TBCD: variants seen among roughly 807,000 people sequenced by gnomAD.
TBCD encodes tubulin-specific chaperone D.
TBCD carries 105 observed loss-of-function variants against 169.3 expected under a neutral mutation model. The ratio of observed to expected loss-of-function variants is 0.62; its 90% CI spans 0.53 to 0.73. The LOEUF is 0.73. TBCD is among the 30% of genes least tolerant of loss of function. TBCD has a pLI of 0.00. For missense variants in TBCD, 1,444 were observed against 1,600.1 expected, an observed-to-expected ratio of 0.90 and a Z score of 1.66; for synonymous variants, 700 against 643.9, an observed-to-expected ratio of 1.09 and a Z score of -1.32.
intron 11 of TBCD, 141 bp from the exon 12 acceptor site, chr17:82,809,567 G>T: frequency 1.2e-6 from 1 of 817,476 alleles, no homozygotes. Context: ...TCCAAGCAGG[G>T]TGCGGGCTTG....
intron 13 of TBCD, among the ~76,000 whole-genome samples, chr17:82,818,227 G>A (rs558465492): frequency 4.4e-4 from 67 of 152,216 alleles, no homozygotes; most frequent in Non-Finnish European, 7.6e-4. Flanking sequence ...CCTTCTGCCT[G>A]GCGGTGCCCT....
chr17:82,886,657 TCCCCTCCCCTCCCCTCC>T (rs2058727308), intron 15 of TBCD, among the ~76,000 whole-genome samples: 1 of 2,304 alleles, frequency 4.3e-4, no homozygotes, highest in Non-Finnish European at 1.3e-3. Context: ...TCCCCTCCCC[TCCCCTCCCCTCCCCTCC>T]CCTCCCCTCC....
intron 26 of TBCD, among the ~76,000 whole-genome samples, chr17:82,924,411 C>T (rs2061597960): frequency 6.6e-6 from 1 of 152,262 alleles, no homozygotes; most frequent in African/African-American, 2.4e-5. Flanking sequence ...ACTGTACATC[C>T]TGCACCCCCG....
Position 82,930,525 on chromosome 17 carries a change from C to T in TBCD, c.2995C>T (p.Arg999Trp), listed in dbSNP as rs781008283. 1.1e-5 allele frequency: 17 copies of T among 1,612,480 alleles called. No homozygotes were observed. The highest frequency in any genetic ancestry group is 2.7e-5 in the African/African-American group (2 of 74,916). ...SLGGLTESTI[R>W]HSTQSLFEYM... ...CTGAGGTGTCTCCGTGTTGCAGATC[C>T]GGCACTCCACCCAGAGCCTCTTTGA... The change falls in exon 33 of 39, where the codon CGG becomes TGG. Residue 999 changes from arginine to tryptophan, a missense_variant. Transcript: ENST00000355528. The surrounding 1 kb of genome is among the most constrained non-coding windows in gnomAD (Gnocchi z 5.2).
intron 13 of TBCD, among the ~76,000 whole-genome samples, chr17:82,828,727 TTGAA>T (rs61443850): frequency 0.038 from 5,647 of 147,240 alleles, 148 homozygotes; most frequent in Middle Eastern, 0.07. Context: ...ACTCACATGA[TTGAA>T]TGTGCACACA....
chr17:82,752,701 C>G lies in TBCD; in HGVS notation c.184+324C>G, dbSNP rs534328173. 2.0e-4 allele frequency among the ~76,000 whole-genome samples: 30 copies of G among 152,286 alleles called. 1 individual carries two copies. The highest frequency in any genetic ancestry group is 2.9e-4 in the Non-Finnish European group (20 of 68,004). On this transcript the variant is annotated intron_variant, in intron 1 of 38. Coordinates refer to ENST00000355528, the MANE Select transcript of TBCD (RefSeq NM_005993.5). ...AGCCCTCCGTCCCCCGTCTCCGTCACTGGAGGAGGTCCCTGGGCTGGGGAG... is the reference window on the plus strand; with the variant it reads ...AGCCCTCCGTCCCCCGTCTCCGTCAGTGGAGGAGGTCCCTGGGCTGGGGAG...
chr17:82,829,995 TTTTGTTTG>T lies in TBCD; in HGVS notation c.1318+15077_1318+15084del, dbSNP rs142352768. On this transcript the variant is annotated intron_variant, in intron 13 of 38. Coordinates refer to ENST00000355528, the MANE Select transcript of TBCD (RefSeq NM_005993.5). ...TTTATAAAAACTGAATTGGAGGGTT[TTTTGTTTG>T]TTTGTTTGTTTGTTTTTTTGAGAAG... The T allele has an allele frequency of 3.9e-3, 4,850 of 1,237,410 alleles. 63 individuals carry two copies. Among genetic ancestry groups the T allele is most frequent in the East Asian group, 0.025 (1,003 of 40,590 alleles). 76.7% of individuals were successfully genotyped at this position (1,237,410 alleles called of 1,614,324 possible).
chr17:82,768,875 C>T (rs181317915), intron 5 of TBCD, among the ~76,000 whole-genome samples: 150 of 151,894 alleles, frequency 9.9e-4, no homozygotes, highest in Non-Finnish European at 1.4e-3. Context: ...TAGTTCTTAA[C>T]GTTATATAAA....
chr17:82,789,584 GCCCCTGCCCTCT>G lies in TBCD; in HGVS notation c.771+7873_771+7884del, dbSNP rs1291665013. Among the ~76,000 whole-genome samples, 1 of 152,164 alleles carries G rather than the reference GCCCCTGCCCTCT, an allele frequency of 6.6e-6. No individual in the cohort carries two copies. The highest frequency in any genetic ancestry group is 1.5e-5 in the Non-Finnish European group (1 of 68,012). On this transcript the variant is annotated intron_variant, in intron 7 of 38. Transcript: ENST00000355528. The surrounding 1 kb of genome is among the most constrained non-coding windows in gnomAD (Gnocchi z 4.8). The stretch of plus-strand genomic sequence containing the variant: ...CTGTGGCCCCTGTGCAGGTTGGGGT[GCCCCTGCCCTCT>G]CCCCTGCCCCGCCCTCACCTGGCTC...
chr17:82,799,421 G>A (rs1474044011), intron 8 of TBCD, among the ~76,000 whole-genome samples: 7 of 107,790 alleles, frequency 6.5e-5, no homozygotes, highest in South Asian at 6.5e-4. Flanking sequence ...CTAGCCTGGC[G>A]ACAGAGCAAG....
intron 13 of TBCD, among the ~76,000 whole-genome samples, chr17:82,842,088 C>T (rs1207699663): frequency 6.6e-6 from 1 of 152,238 alleles, no homozygotes; most frequent in African/African-American, 2.4e-5. Flanking sequence ...AAGGCGGGAG[C>T]CGAGGGCTCC....
rs1420735052 is a variant in TBCD at position 82,880,095 on chromosome 17, C to T, written c.1476-4050C>T. Among the ~76,000 whole-genome samples, 8 of 152,190 alleles carry T rather than the reference C, an allele frequency of 5.3e-5. No homozygotes were observed. Among genetic ancestry groups the T allele is most frequent in the South Asian group, 4.1e-4 (2 of 4,838 alleles). ...CGTCCACGTCTCGCTTCATCCTTCA[C>T]GTACCCTATGCCTGTGGTCCTTTCT... On this transcript the variant is annotated intron_variant, in intron 14 of 38. Coordinates refer to ENST00000355528, the MANE Select transcript of TBCD (RefSeq NM_005993.5). This position sits in a 1 kb window ranked among gnomAD's most constrained non-coding sequence, Gnocchi z 5.0.
At chr17:82,872,496 C>T (rs188979996) in intron 14 of TBCD, among the ~76,000 whole-genome samples, 4 of 152,292 alleles carry the variant, frequency 2.6e-5, no homozygotes, top group African/African-American at 9.6e-5. Flanking sequence ...TGAGGCCCTG[C>T]CGCGTGCCTG....
intron 7 of TBCD, among the ~76,000 whole-genome samples, chr17:82,797,436 C>T (rs2050179658): frequency 1.3e-5 from 2 of 152,138 alleles, no homozygotes; most frequent in Non-Finnish European, 2.9e-5. Context: ...TCTTCTTTTT[C>T]CAGGCTAGTA....
intron 13 of TBCD, among the ~76,000 whole-genome samples, chr17:82,815,388 G>T (rs998020781): frequency 3.3e-5 from 5 of 152,238 alleles, no homozygotes; most frequent in Admixed American, 1.3e-4. Flanking sequence ...ACCCCTGGCA[G>T]CATCCTGGGT....
chr17:82,799,173 T>C (rs1438888346), intron 8 of TBCD, among the ~76,000 whole-genome samples: 2 of 152,096 alleles, frequency 1.3e-5, no homozygotes, highest in Non-Finnish European at 2.9e-5. Flanking sequence ...GACTGGGCGT[T>C]GTGGCTCACG....
intron 34 of TBCD, 57 bp downstream of exon 34, chr17:82,932,792 TAAAG>T (rs2062315614): frequency 8.4e-6 from 13 of 1,555,400 alleles, no homozygotes; most frequent in Non-Finnish European, 1.1e-5. Context: ...GCTCATGTAT[TAAAG>T]AAAAAGTCAT....
rs1482082343 is a variant in TBCD at position 82,942,695 on chromosome 17, G to A, written c.*232G>A. 3 of 606,122 alleles carry A rather than the reference G, an allele frequency of 4.9e-6. No homozygotes were observed. Among genetic ancestry groups the A allele is most frequent in the Non-Finnish European group, 5.9e-6 (2 of 341,470 alleles). 37.5% of individuals were successfully genotyped at this position (606,122 alleles called of 1,614,324 possible). On this transcript the variant is annotated 3_prime_UTR_variant, in exon 39 of 39. Coordinates refer to ENST00000355528, the MANE Select transcript of TBCD (RefSeq NM_005993.5). ...ACAAATGTGCTTCCTATAAAATCAT[G>A]TACCAAGAAGTTCCTGCCTTTTGTC...
At chr17:82,839,740 A>G (rs1289207726) in intron 13 of TBCD, among the ~76,000 whole-genome samples, 1 of 152,246 alleles carries the variant, frequency 6.6e-6, no homozygotes, top group Non-Finnish European at 1.5e-5. Context: ...TGTCAGCCTC[A>G]TTAGAAGTTT....
Sources: allele counts gnomAD v4.1 joint callset (sites outside exome capture counted in the v4.1 genomes callset), GRCh38; gene constraint gnomAD v4.1.1; non-coding constraint Gnocchi (gnomAD v3.1); transcripts MANE v1.5; gene names NCBI Gene and HGNC (gene_info 2026-07-23, HGNC 2026-07-21).